The following PDE5A variants were observed in gnomAD, a reference collection of about 807,000 sequenced individuals.
The protein encoded by PDE5A is cGMP-specific 3',5'-cyclic phosphodiesterase.
A neutral mutation model predicts 110.2 loss-of-function variants in PDE5A; 67 were observed. The ratio of observed to expected loss-of-function variants is 0.61; its 90% confidence interval spans 0.50 to 0.75. The LOEUF is 0.75. Ranked by LOEUF, PDE5A falls within the 30% of genes least tolerant of loss-of-function variation. PDE5A has a pLI of 0.00. For missense variants in PDE5A, 862 were observed against 1,045.1 expected (o/e 0.82, Z 2.42); for synonymous variants, 328 against 351.2 (o/e 0.93, Z 0.74).
intron 3 of PDE5A, among the ~76,000 whole-genome samples, chr4:119,592,926 C>T (rs111946499): frequency 2.1e-3 from 325 of 152,182 alleles, no homozygotes; most frequent in African/African-American, 7.2e-3. Flanking sequence ...GAGAGAGCTT[C>T]GGGCTATTTG....
intron 11 of PDE5A, among the ~76,000 whole-genome samples, chr4:119,537,368 T>A (rs940858425): frequency 1.1e-4 from 16 of 152,042 alleles, no homozygotes; most frequent in Non-Finnish European, 1.8e-4. Flanking sequence ...TTCTCAATAA[T>A]CACTTAATCA....
intron 3 of PDE5A, among the ~76,000 whole-genome samples, chr4:119,575,711 G>A (rs577368255): frequency 5.3e-5 from 8 of 152,216 alleles, no homozygotes; most frequent in East Asian, 1.9e-4. Context: ...AGGAACAACC[G>A]GTACCAGCCA....
At chr4:119,574,428 G>A (rs1013431493) in intron 3 of PDE5A, among the ~76,000 whole-genome samples, 5 of 151,994 alleles carry the variant, frequency 3.3e-5, no homozygotes, top group African/African-American at 9.6e-5. Flanking sequence ...CGATCTGCCC[G>A]CCTCGGCCTC....
rs546809053 is a variant in PDE5A at position 119,505,895 on chromosome 4, G to T, written c.2227C>A (p.Gln743Lys). ...TGATGAGGATCTTCCAAATTGAATT[G>T]ATTTTTTCTTATAAGTTCAAAAAAT... is the stretch of plus-strand genomic sequence containing the variant. ...GEFFELIRKN[Q>K]FNLEDPHQKE... Residue 743 changes from glutamine (Q) to lysine (K), a missense_variant, in exon 17 of 21, where the codon CAA becomes AAA. By Grantham distance (53) the Gln-to-Lys change is moderately conservative. Coordinates refer to ENST00000354960, the MANE Select transcript of PDE5A (RefSeq NM_001083.4). 60 of 1,568,724 alleles carry T rather than the reference G, an allele frequency of 3.8e-5. No individual in the cohort carries two copies. In the African/African-American group the frequency reaches 7.4e-4, roughly 19 times the overall value.
rs144909395 is a variant in PDE5A, at chr4:119,584,704, A to T, written c.831+11819T>A. ...AAAAAAAATTCAGTACCTCCTTTGC[A>T]TGACATTAGAAGGCTCTGCTTGATC... On this transcript the variant is annotated intron_variant, in intron 3 of 20. Transcript: ENST00000354960. Among the ~76,000 whole-genome samples, 24 of 152,292 alleles carry T rather than the reference A, an allele frequency of 1.6e-4. No homozygotes were observed. In the East Asian group the frequency reaches 4.4e-3, roughly 28 times the overall value.
At position 119,498,712 on chromosome 4, in the gene PDE5A, A is replaced by G; in HGVS notation, c.2517T>C (p.Cys839=). Residue 839 remains cysteine (C), a synonymous_variant, in exon 21 of 21, where the codon TGT becomes TGC. Coordinates refer to ENST00000354960, the MANE Select transcript of PDE5A (RefSeq NM_001083.4). ...YEALTHVSED[C]FPLLDGCRKN... is the part of the protein sequence containing the mutation. ...TTCTGCAGCCATCTAGCAAAGGGAA[A>G]CAGTCCTCTGACACGTGGGTCAGGG... The G allele has an allele frequency of 1.9e-6, 3 of 1,613,904 alleles. No individual in the cohort carries two copies. The highest frequency in any genetic ancestry group is 2.5e-6 in the Non-Finnish European group (3 of 1,179,886).
At chr4:119,586,958 G>A (rs550285376) in intron 3 of PDE5A, among the ~76,000 whole-genome samples, 4 of 152,174 alleles carry the variant, frequency 2.6e-5, no homozygotes, top group Admixed American at 6.5e-5. Flanking sequence ...GATCAGTAAT[G>A]TAGACTTGGG....
intron 13 of PDE5A, among the ~76,000 whole-genome samples, chr4:119,520,465 T>G (rs1726083509): frequency 6.6e-6 from 1 of 152,068 alleles, no homozygotes; most frequent in Admixed American, 6.6e-5. Flanking sequence ...ACCCTTTCTA[T>G]GAAACAGTAC....
At chr4:119,542,682 G>A (rs1206018298) in intron 9 of PDE5A, 48 bp from the exon 10 acceptor site, 1 of 1,553,382 alleles carries the variant, frequency 6.4e-7, no homozygotes, top group Non-Finnish European at 8.9e-7. Flanking sequence ...GATTATCATA[G>A]TTTTTGTGGA....
chr4:119,532,804 CAT>C (rs1247800042), intron 11 of PDE5A, among the ~76,000 whole-genome samples: 8 of 152,056 alleles, frequency 5.3e-5, no homozygotes, highest in South Asian at 2.1e-4. Context: ...AAAATAAAGA[CAT>C]GTGGCTACAT....
rs1161606316 is a variant in PDE5A at position 119,525,886 on chromosome 4, G to A, written c.1633-191C>T. On this transcript the variant is annotated intron_variant, in intron 11 of 20. Transcript: ENST00000354960. The surrounding 1 kb of genome is among the most constrained non-coding windows in gnomAD (Gnocchi z 4.3). ...ATTTTTAAAACTGAGCCACATAAGG[G>A]TAATTAATATGGTTCAAAGTAGGCT... Among the ~76,000 whole-genome samples, 1 of 152,026 alleles carries A rather than the reference G, an allele frequency of 6.6e-6. No individual in the cohort carries two copies.
intron 7 of PDE5A, among the ~76,000 whole-genome samples, chr4:119,558,440 C>G (rs1256034812): frequency 6.6e-6 from 1 of 152,078 alleles, no homozygotes; most frequent in African/African-American, 2.4e-5. Flanking sequence ...AGTACTTCAT[C>G]AAATTGAGAG....
rs147207016 is a variant in PDE5A, at chr4:119,624,181, G to T, written c.152+4339C>A. Among the ~76,000 whole-genome samples the T allele has an allele frequency of 4.6e-5, 7 of 152,126 alleles. No individual in the cohort carries two copies. In the East Asian group the frequency reaches 1.4e-3, roughly 29 times the overall value. On this transcript the variant is annotated intron_variant, in intron 1 of 20. Coordinates refer to ENST00000354960, the MANE Select transcript of PDE5A (RefSeq NM_001083.4). ...TATAAACAATATCAAAGTTAGACTG[G>T]GTCAATGCTCAGAGGGTTTTATTAT...
At chr4:119,515,164 A>G (rs1028534078) in intron 14 of PDE5A, among the ~76,000 whole-genome samples, 1 of 151,560 alleles carries the variant, frequency 6.6e-6, no homozygotes, top group African/African-American at 2.4e-5. Context: ...CTTTATTCAT[A>G]GTCAGATCTC....
intron 15 of PDE5A, among the ~76,000 whole-genome samples, chr4:119,510,372 G>T (rs1342588851): frequency 6.6e-6 from 1 of 151,956 alleles, no homozygotes; most frequent in African/African-American, 2.4e-5. Flanking sequence ...CATGCATTGT[G>T]TATGTTCAAT....
chr4:119,500,894 A>G (rs2110450791), intron 20 of PDE5A: 1 of 383,974 alleles, frequency 2.6e-6, no homozygotes, highest in South Asian at 4.2e-5. Context: ...TAGTATATAC[A>G]GTATTGCTCC....
At chr4:119,567,542 C>G (rs1340131967) in intron 3 of PDE5A, among the ~76,000 whole-genome samples, 1 of 151,922 alleles carries the variant, frequency 6.6e-6, no homozygotes. Flanking sequence ...TATAATATTC[C>G]AAAACGGCTA....
chr4:119,588,411 G>A (rs764934156), intron 3 of PDE5A, among the ~76,000 whole-genome samples: 6 of 151,112 alleles, frequency 4.0e-5, no homozygotes, highest in Non-Finnish European at 8.8e-5. Flanking sequence ...TCCTGGCCTC[G>A]AGTGATCCAC....
intron 18 of PDE5A, 24 bp downstream of exon 18, chr4:119,504,512 T>G (rs1274587360): frequency 6.3e-7 from 1 of 1,578,640 alleles, no homozygotes; most frequent in Non-Finnish European, 8.7e-7. Context: ...TTTTAATTAT[T>G]GTTATTGTCA....
Sources: allele counts gnomAD v4.1 joint callset (sites outside exome capture counted in the v4.1 genomes callset), GRCh38; gene constraint gnomAD v4.1.1; non-coding constraint Gnocchi (gnomAD v3.1); transcripts MANE v1.5; gene names NCBI Gene and HGNC (gene_info 2026-07-23, HGNC 2026-07-21).